Variants in GFOD1 observed in about 807,000 individuals in gnomAD.
GFOD1 encodes Gfo/Idh/MocA-like oxidoreductase domain containing 1.
In GFOD1, 9 loss-of-function variants were observed where a neutral mutation model predicts 25.4. That is an observed-to-expected ratio of 0.35 (90% confidence interval 0.21 to 0.62). GFOD1 has a LOEUF of 0.62. Among genes scored for constraint, GFOD1 ranks in the 20% least tolerant of loss-of-function variants. The pLI is 0.72. For missense variants in GFOD1, 403 were observed against 556.9 expected (o/e 0.72, Z 2.78); for synonymous variants, 253 against 245.6 (o/e 1.03, Z -0.28).
chr6:13,391,586 T>C (rs1785614273), intron 1 of GFOD1, among the ~76,000 whole-genome samples: 1 of 149,688 alleles, frequency 6.7e-6, no homozygotes, highest in Non-Finnish European at 1.5e-5. Flanking sequence ...AGAGTCCATA[T>C]CAATTGAATA....
intron 1 of GFOD1, among the ~76,000 whole-genome samples, chr6:13,400,265 T>C (rs1785816649): frequency 6.6e-6 from 1 of 152,122 alleles, no homozygotes. Context: ...AGTTAGTAAA[T>C]AGCCACTGCC....
At chr6:13,472,066 A>G in intron 1 of GFOD1, 1 of 164,330 alleles carries the variant, frequency 6.1e-6, no homozygotes, top group South Asian at 1.9e-4. Context: ...AAAATGAGGG[A>G]GACAGAAAAG....
At chr6:13,473,431 T>C (rs970195791) in intron 1 of GFOD1, among the ~76,000 whole-genome samples, 6 of 152,190 alleles carry the variant, frequency 3.9e-5, no homozygotes, top group South Asian at 2.1e-4. Flanking sequence ...AGGCGGCCAT[T>C]TGGGCTCCTC....
chr6:13,422,925 C>G (rs1433003812), intron 1 of GFOD1, among the ~76,000 whole-genome samples: 1 of 152,120 alleles, frequency 6.6e-6, no homozygotes, highest in Non-Finnish European at 1.5e-5. Context: ...CAGGTTCACC[C>G]AAGGAGCTAT....
chr6:13,360,897 T>C lies in GFOD1; in HGVS notation c.*3846A>G, dbSNP rs958406324. 1.5e-5 allele frequency: 7 copies of C among 456,140 alleles called. No homozygotes were observed. Among genetic ancestry groups the C allele is most frequent in the Non-Finnish European group, 2.2e-5 (5 of 226,620 alleles). 28.3% of individuals were successfully genotyped at this position (456,140 alleles called of 1,614,324 possible). On this transcript the variant is annotated 3_prime_UTR_variant, in exon 2 of 2. Transcript: ENST00000379287. ...TCTCTTCCTGGGAGGCAGTGTGGTC[T>C]GGAGGAGAAGATTAAGGATTTGAAT...
rs148939591 is a variant in GFOD1, at chr6:13,397,330, A to G, written c.254-31668T>C. ...TTACCAAAGAGAAATGAAAACAAATATCTACACAAAAGATCCAAATGTGAA... is the reference window on the plus strand; with the variant it reads ...TTACCAAAGAGAAATGAAAACAAATGTCTACACAAAAGATCCAAATGTGAA... On this transcript the variant is annotated intron_variant, in intron 1 of 1. Coordinates refer to ENST00000379287, the MANE Select transcript of GFOD1 (RefSeq NM_018988.4). Among the ~76,000 whole-genome samples, 280 of 152,342 alleles carry G rather than the reference A, an allele frequency of 1.8e-3. 1 individual carries two copies. Among genetic ancestry groups the G allele is most frequent in the Non-Finnish European group, 2.7e-3 (185 of 68,030 alleles).
intron 1 of GFOD1, among the ~76,000 whole-genome samples, chr6:13,460,109 G>T (rs1758266428): frequency 1.3e-5 from 2 of 152,192 alleles, no homozygotes; most frequent in South Asian, 4.1e-4. Flanking sequence ...ACTCCAGCTT[G>T]GGAGACAATG....
Position 13,483,990 on chromosome 6 carries a change from G to A in GFOD1, c.253+2648C>T, listed in dbSNP as rs143996313. The stretch of plus-strand genomic sequence containing the variant: ...ACTTAATAAGAGGCAGCCTTGGACA[G>A]TGTAGAAAGTACACTTGGTAGAAAT... On this transcript the variant is annotated intron_variant, in intron 1 of 1. Transcript: ENST00000379287. Among the ~76,000 whole-genome samples the A allele has an allele frequency of 2.3e-4, 35 of 152,340 alleles. No homozygotes were observed. In the East Asian group the frequency reaches 6.0e-3, roughly 26 times the overall value.
intron 1 of GFOD1, among the ~76,000 whole-genome samples, chr6:13,375,119 A>G (rs539954731): frequency 6.6e-6 from 1 of 152,294 alleles, no homozygotes; most frequent in Admixed American, 6.5e-5. Context: ...GAAAATATAC[A>G]ATAAATTGTT....
In GFOD1 at chr6:13,360,491, T is replaced by A. The variant is rs1784930345; in HGVS notation, c.*4252A>T. 2 of 348,634 alleles carry A rather than the reference T, an allele frequency of 5.7e-6. No individual in the cohort carries two copies. The highest frequency in any genetic ancestry group is 4.3e-5 in the South Asian group (2 of 46,412). 21.6% of individuals were successfully genotyped at this position (348,634 alleles called of 1,614,324 possible). ...CACTCCCTGAGAAAGGACATTTTCCTACGTTATATTCAGACCCCCAAGAGC... is the reference window on the plus strand; with the variant it reads ...CACTCCCTGAGAAAGGACATTTTCCAACGTTATATTCAGACCCCCAAGAGC... On this transcript the variant is annotated 3_prime_UTR_variant, in exon 2 of 2. Transcript: ENST00000379287.
intron 1 of GFOD1, among the ~76,000 whole-genome samples, chr6:13,477,803 T>C (rs1584675909): frequency 6.6e-6 from 1 of 152,238 alleles, no homozygotes; most frequent in African/African-American, 2.4e-5. Flanking sequence ...TGGTGGCTCA[T>C]GCCTGTAACC....
chr6:13,456,740 A>G (rs1758196414), intron 1 of GFOD1, among the ~76,000 whole-genome samples: 1 of 152,186 alleles, frequency 6.6e-6, no homozygotes, highest in Non-Finnish European at 1.5e-5. Context: ...GGCGGCCTGC[A>G]CGCTGCTCGT....
rs1433991808 is a variant in GFOD1 at position 13,487,234 on chromosome 6, T to A, written c.-344A>T. 1 of 251,092 alleles carries A rather than the reference T, an allele frequency of 4.0e-6. No homozygotes were observed. Among genetic ancestry groups the A allele is most frequent in the African/African-American group, 2.3e-5 (1 of 44,420 alleles). The allele number at this position is 251,092 out of a possible 1,614,324, so 15.6% of individuals were successfully genotyped here. On this transcript the variant is annotated 5_prime_UTR_variant, in exon 1 of 2. Transcript: ENST00000379287. This position sits in a 1 kb window ranked among gnomAD's most constrained non-coding sequence, Gnocchi z 4.9. The stretch of plus-strand genomic sequence containing the variant: ...CCCGCGGCAGCGCCAGTCCGCTGCG[T>A]GCGCCCCGCCAAGGCCGCTCCATGG...
intron 1 of GFOD1, among the ~76,000 whole-genome samples, chr6:13,390,492 G>A (rs1422634936): frequency 6.7e-6 from 1 of 149,674 alleles, no homozygotes; most frequent in Non-Finnish European, 1.5e-5. Context: ...TCTGGAAGTG[G>A]AGGTAGGAGG....
At chr6:13,376,160 T>C (rs577347822) in intron 1 of GFOD1, among the ~76,000 whole-genome samples, 157 of 152,296 alleles carry the variant, frequency 1.0e-3, no homozygotes, top group Non-Finnish European at 1.9e-3. Context: ...CTCCCCTTCA[T>C]GTCAGTGGCA....
intron 1 of GFOD1, among the ~76,000 whole-genome samples, chr6:13,407,214 G>A (rs954082393): frequency 1.3e-5 from 2 of 152,218 alleles, no homozygotes; most frequent in African/African-American, 2.4e-5. Flanking sequence ...GACTGCTATG[G>A]GAGGAAGAAC....
At chr6:13,442,541 T>G (rs1170000813) in intron 1 of GFOD1, among the ~76,000 whole-genome samples, 1 of 152,238 alleles carries the variant, frequency 6.6e-6, no homozygotes, top group Non-Finnish European at 1.5e-5. Context: ...AGTCAATGCC[T>G]GGCTTCAAAG....
At chr6:13,379,017 G>C (rs961729456) in intron 1 of GFOD1, among the ~76,000 whole-genome samples, 3 of 152,168 alleles carry the variant, frequency 2.0e-5, no homozygotes, top group African/African-American at 7.2e-5. Context: ...ACCAGCTCCA[G>C]GGCTCCACCC....
chr6:13,357,842 T>G lies in GFOD1; in HGVS notation c.*6901A>C, dbSNP rs555750558. On this transcript the variant is annotated 3_prime_UTR_variant, in exon 2 of 2. Coordinates refer to ENST00000379287, the MANE Select transcript of GFOD1 (RefSeq NM_018988.4). ...CAAAGAGCTGGAATTGTATTTTCTT[T>G]TAAATCTTTATTTATCCTTTTCATT... 2 of 152,314 alleles carry G rather than the reference T, an allele frequency of 1.3e-5. No homozygotes were observed. Among genetic ancestry groups the G allele is most frequent in the Non-Finnish European group, 2.9e-5 (2 of 68,062 alleles). 9.4% of individuals were successfully genotyped at this position (152,314 alleles called of 1,614,324 possible).
Sources: allele counts gnomAD v4.1 joint callset (sites outside exome capture counted in the v4.1 genomes callset), GRCh38; gene constraint gnomAD v4.1.1; non-coding constraint Gnocchi (gnomAD v3.1); transcripts MANE v1.5; gene names NCBI Gene and HGNC (gene_info 2026-07-23, HGNC 2026-07-21).